RFTN2: variants seen among roughly 807,000 people sequenced by gnomAD.
RFTN2 encodes raftlin-2.
A neutral mutation model predicts 52.7 loss-of-function variants in RFTN2; 34 were observed. The observed-to-expected ratio is 0.64, with a 90% CI of 0.49 to 0.86. The LOEUF (loss-of-function observed/expected upper bound fraction) is 0.86, where lower values mean the gene tolerates loss of function less well. RFTN2 is among the 40% of genes least tolerant of loss of function. RFTN2 has a pLI of 0.00. For synonymous variants in RFTN2, 203 were observed against 217.7 expected (o/e 0.93, Z 0.59); for missense variants, 536 against 600.1 (o/e 0.89, Z 1.12).
At chr2:197,632,373 A>C (rs1369910911) in intron 4 of RFTN2, among the ~76,000 whole-genome samples, 1 of 152,192 alleles carries the variant, frequency 6.6e-6, no homozygotes. Flanking sequence ...ACAGTGAGTT[A>C]GTTCTCACAG....
intron 3 of RFTN2, among the ~76,000 whole-genome samples, chr2:197,634,800 T>C (rs1271372173): frequency 6.6e-6 from 1 of 152,040 alleles, no homozygotes; most frequent in Non-Finnish European, 1.5e-5. Flanking sequence ...GTTAGTTACA[T>C]ATGTATACAT....
intron 7 of RFTN2, among the ~76,000 whole-genome samples, chr2:197,602,232 AT>A (rs935026816): frequency 9.4e-5 from 14 of 148,160 alleles, no homozygotes; most frequent in East Asian, 2.0e-4. Flanking sequence ...TGCCTGGCTA[AT>A]TTTTTTTTTG....
chr2:197,571,931 G>C lies in RFTN2; in HGVS notation c.*77C>G. The C allele has an allele frequency of 7.0e-7, 1 of 1,436,740 alleles. No homozygotes were observed. Among genetic ancestry groups the C allele is most frequent in the South Asian group, 1.2e-5 (1 of 80,220 alleles). The allele number at this position is 1,436,740 out of a possible 1,614,324, so 89.0% of individuals were successfully genotyped here. A position where few individuals can be genotyped will look rare whatever the true frequency, so the allele number is the denominator to read the frequency against. ...TTCAAAAATATTACATAAATGCAGAGAAAGTAATACAATAAGGTCAGTTGG... is the reference window on the plus strand; with the variant it reads ...TTCAAAAATATTACATAAATGCAGACAAAGTAATACAATAAGGTCAGTTGG... On this transcript the variant is annotated 3_prime_UTR_variant, in exon 9 of 9. Transcript: ENST00000295049.
chr2:197,654,310 C>G (rs1003845382), intron 1 of RFTN2, among the ~76,000 whole-genome samples: 21 of 152,118 alleles, frequency 1.4e-4, no homozygotes, highest in Non-Finnish European at 2.4e-4. Flanking sequence ...CGCTTAAGCC[C>G]AGGAGTTTGA....
At chr2:197,584,757 T>C (rs566990079) in intron 8 of RFTN2, among the ~76,000 whole-genome samples, 2 of 152,272 alleles carry the variant, frequency 1.3e-5, no homozygotes, top group South Asian at 4.1e-4. Flanking sequence ...TCCATTGAAC[T>C]TTTACATGGA....
In RFTN2 at chr2:197,608,623, CTTTTTTT is replaced by C. The variant is rs57681105; in HGVS notation, c.1154+7246_1154+7252del. ...GCCACTGTTCCTGGCTGGGACCAGACTTTTTTTTTTTTTTTTTTTTTTTTAATACTTT... is the reference window on the plus strand; with the variant it reads ...GCCACTGTTCCTGGCTGGGACCAGACTTTTTTTTTTTTTTTTTAATACTTT... On this transcript the variant is annotated intron_variant, in intron 7 of 8. Coordinates refer to ENST00000295049, the MANE Select transcript of RFTN2 (RefSeq NM_144629.3). Among the ~76,000 whole-genome samples the C allele has an allele frequency of 7.1e-4, 71 of 99,492 alleles. 2 individuals carry two copies. In the South Asian group the frequency reaches 0.012, roughly 17 times the overall value. The allele number at this position is 99,492 out of a possible 152,430, so 65.3% of individuals were successfully genotyped here.
At chr2:197,625,679 C>CTCTCG in intron 5 of RFTN2, among the ~76,000 whole-genome samples, 1 of 118,606 alleles carries the variant, frequency 8.4e-6, no homozygotes, top group African/African-American at 3.3e-5. Context: ...CTCTCCTCTC[C>CTCTCG]TCTCCTCTCC....
At chr2:197,597,707 G>A (rs549816396) in intron 7 of RFTN2, among the ~76,000 whole-genome samples, 1 of 152,090 alleles carries the variant, frequency 6.6e-6, no homozygotes, top group South Asian at 2.1e-4. Context: ...TAGCAAAGAC[G>A]GGGTTTCTCC....
intron 7 of RFTN2, among the ~76,000 whole-genome samples, chr2:197,611,485 AT>A (rs1198195107): frequency 6.6e-6 from 1 of 151,940 alleles, no homozygotes; most frequent in African/African-American, 2.4e-5. Context: ...TATTGCGTCT[AT>A]TTGATTCTTC....
intron 4 of RFTN2, among the ~76,000 whole-genome samples, chr2:197,632,391 TG>T (rs1216936006): frequency 6.6e-6 from 1 of 152,192 alleles, no homozygotes; most frequent in East Asian, 1.9e-4. Flanking sequence ...CAGGATCTGA[TG>T]GTTTTATAAG....
chr2:197,598,345 GAAAAAC>G (rs1209876839), intron 7 of RFTN2, among the ~76,000 whole-genome samples: 5 of 151,974 alleles, frequency 3.3e-5, no homozygotes, highest in African/African-American at 1.2e-4. Flanking sequence ...AAAGAAAAAA[GAAAAAC>G]AAATTCAAGG....
At chr2:197,669,376 CT>C (rs11408740) in intron 1 of RFTN2, among the ~76,000 whole-genome samples, 25 of 144,414 alleles carry the variant, frequency 1.7e-4, no homozygotes, top group South Asian at 4.4e-4. Context: ...CCTATTCAGC[CT>C]TTTTTTTTTT....
At chr2:197,577,644 G>A (rs2087440599) in intron 8 of RFTN2, among the ~76,000 whole-genome samples, 1 of 152,192 alleles carries the variant, frequency 6.6e-6, no homozygotes, top group Non-Finnish European at 1.5e-5. Flanking sequence ...AGCCTGGCCA[G>A]TGGCTATCTT....
rs780567715 is a variant in RFTN2 at position 197,616,284 on chromosome 2, A to ATTTT, written c.1051-309_1051-306dup. ...GGGAATCTGCATTTTATTTTATTTTATTTTATTTTATTTTATTTTATTTTA... is the reference window on the plus strand; with the variant it reads ...GGGAATCTGCATTTTATTTTATTTTATTTTTTTTATTTTATTTTATTTTATTTTA... On this transcript the variant is annotated intron_variant, in intron 6 of 8. Transcript: ENST00000295049. Among the ~76,000 whole-genome samples, 28 of 59,742 alleles carry ATTTT rather than the reference A, an allele frequency of 4.7e-4. 1 individual carries two copies. The highest frequency in any genetic ancestry group is 2.0e-3 in the African/African-American group (27 of 13,588). The allele number at this position is 59,742 out of a possible 152,430, so 39.2% of individuals were successfully genotyped here. A position where few individuals can be genotyped will look rare whatever the true frequency, so the allele number is the denominator to read the frequency against.
At chr2:197,620,358 T>C (rs111374940) in intron 5 of RFTN2, among the ~76,000 whole-genome samples, 6 of 152,282 alleles carry the variant, frequency 3.9e-5, no homozygotes, top group African/African-American at 1.4e-4. Flanking sequence ...TTCTTTTGTC[T>C]CCTATTTTGC....
At position 197,591,573 on chromosome 2, in the gene RFTN2, C is replaced by T. The variant is rs149069030; in HGVS notation, c.1233+4418G>A. 4.4e-3 allele frequency among the ~76,000 whole-genome samples: 673 copies of T among 152,294 alleles called. 10 individuals are homozygous for T. The highest frequency in any genetic ancestry group is 0.014 in the African/African-American group (593 of 41,570). ...GTGCCCATACTCCTCAGCCCTTGGG[C>T]GGTCCGTGGGACCGTGCACACTGGA... On this transcript the variant is annotated intron_variant, in intron 8 of 8. Transcript: ENST00000295049.
chr2:197,651,077 T>A (rs1294828908), intron 1 of RFTN2, among the ~76,000 whole-genome samples: 1 of 152,252 alleles, frequency 6.6e-6, no homozygotes. Context: ...TTTGGAGAAC[T>A]GTCTGTTCAA....
intron 8 of RFTN2, among the ~76,000 whole-genome samples, chr2:197,580,277 C>T (rs1176016876): frequency 6.6e-6 from 1 of 152,202 alleles, no homozygotes; most frequent in Non-Finnish European, 1.5e-5. Flanking sequence ...AATTACTTGC[C>T]TCTGCTGTGA....
At chr2:197,661,234 T>TTTAA (rs1491280250) in intron 1 of RFTN2, among the ~76,000 whole-genome samples, 2 of 15,182 alleles carry the variant, frequency 1.3e-4, no homozygotes, top group Non-Finnish European at 3.0e-4. Flanking sequence ...TTTAATTTAA[T>TTTAA]TTTTTTTTTT....
Sources: allele counts gnomAD v4.1 joint callset (sites outside exome capture counted in the v4.1 genomes callset), GRCh38; gene constraint gnomAD v4.1.1; transcripts MANE v1.5; gene names NCBI Gene and HGNC (gene_info 2026-07-23, HGNC 2026-07-21).